The following KIAA0825 variants were observed in gnomAD, a reference collection of about 807,000 sequenced individuals.
KIAA0825 encodes the protein KIAA0825.
KIAA0825 carries 119 observed loss-of-function variants against 147.6 expected under a neutral mutation model. That is an observed-to-expected ratio of 0.81 (90% CI 0.69 to 0.94). The LOEUF (loss-of-function observed/expected upper bound fraction) is 0.94. Among genes scored for constraint, KIAA0825 ranks in the 40% least tolerant of loss-of-function variants. KIAA0825 has a pLI of 0.00. For missense variants in KIAA0825, 1,381 were observed against 1,472.7 expected (o/e 0.94, Z 1.02); for synonymous variants, 470 against 518.1 (o/e 0.91, Z 1.26).
chr5:94,165,885 G>T (rs1352451445), intron 20 of KIAA0825, among the ~76,000 whole-genome samples: 1 of 152,008 alleles, frequency 6.6e-6, no homozygotes, highest in Non-Finnish European at 1.5e-5. Context: ...GGGTGAGGTG[G>T]GTATAGTTAA....
chr5:94,324,100 T>C (rs1015685383), intron 20 of KIAA0825, among the ~76,000 whole-genome samples: 1 of 152,012 alleles, frequency 6.6e-6, no homozygotes, highest in African/African-American at 2.4e-5. Flanking sequence ...TTTCGTGGCA[T>C]TATATTGTCT....
chr5:94,567,201 A>G (rs1778859079), intron 2 of KIAA0825, among the ~76,000 whole-genome samples: 3 of 152,172 alleles, frequency 2.0e-5, no homozygotes, highest in Admixed American at 6.5e-5. Context: ...TCATGAGGAT[A>G]TATTTCAATA....
Position 94,205,727 on chromosome 5 carries a change from C to G in KIAA0825, c.3711-51603G>C, listed in dbSNP as rs182002353. ...ATATTTCGGATCATATTTTCTTGCC[C>G]TGGAAATGTTGCCATAGACCCACTG... On this transcript the variant is annotated intron_variant, in intron 20 of 20. Transcript: ENST00000682413. Among the ~76,000 whole-genome samples the G allele has an allele frequency of 2.3e-4, 35 of 152,158 alleles. No homozygotes were observed. In the South Asian group the frequency reaches 4.6e-3, roughly 20 times the overall value.
intron 20 of KIAA0825, among the ~76,000 whole-genome samples, chr5:94,250,164 G>A (rs1775876075): frequency 6.6e-6 from 1 of 151,960 alleles, no homozygotes; most frequent in South Asian, 2.1e-4. Flanking sequence ...CCCTCATTCG[G>A]CTGTGATTAC....
At chr5:94,317,152 CCACCA>C (rs1779733965) in intron 20 of KIAA0825, among the ~76,000 whole-genome samples, 2 of 151,778 alleles carry the variant, frequency 1.3e-5, no homozygotes, top group South Asian at 4.1e-4. Flanking sequence ...GGTTTCCTTC[CCACCA>C]CTGTAAAAAT....
chr5:94,483,574 T>G (rs1200730376), intron 6 of KIAA0825, among the ~76,000 whole-genome samples: 1 of 151,792 alleles, frequency 6.6e-6, no homozygotes, highest in Non-Finnish European at 1.5e-5. Flanking sequence ...GGCTTTTTTT[T>G]GGTTTTTTTG....
chr5:94,467,443 G>A (rs1760691215), intron 10 of KIAA0825, among the ~76,000 whole-genome samples: 1 of 152,124 alleles, frequency 6.6e-6, no homozygotes, highest in Non-Finnish European at 1.5e-5. Context: ...TATTATCTTT[G>A]AACAGACAAT....
At chr5:94,189,335 C>A (rs766749429) in intron 20 of KIAA0825, among the ~76,000 whole-genome samples, 5 of 152,098 alleles carry the variant, frequency 3.3e-5, no homozygotes, top group Non-Finnish European at 5.9e-5. Context: ...TTTAAGAAAT[C>A]TTTGCCTAAC....
chr5:94,429,808 G>A (rs1010464483), intron 14 of KIAA0825, among the ~76,000 whole-genome samples: 2 of 152,198 alleles, frequency 1.3e-5, no homozygotes, highest in Admixed American at 6.5e-5. Context: ...ACTCGGCTTG[G>A]AGCTGGGAAA....
intron 15 of KIAA0825, among the ~76,000 whole-genome samples, chr5:94,410,527 A>G (rs1330167897): frequency 6.6e-6 from 1 of 152,216 alleles, no homozygotes; most frequent in East Asian, 1.9e-4. Context: ...AAAGAAAACC[A>G]AAACAAGGCA....
At chr5:94,298,074 G>A (rs191944511) in intron 20 of KIAA0825, among the ~76,000 whole-genome samples, 5 of 150,888 alleles carry the variant, frequency 3.3e-5, no homozygotes, top group East Asian at 2.0e-4. Context: ...GTGAAAACCC[G>A]TCTCTACTAA....
Position 94,396,345 on chromosome 5 carries a change from A to C in KIAA0825, c.3052T>G (p.Leu1018Val), listed in dbSNP as rs1414903608. ...LKKAGLLVWN[L>V]IVIICRIFED... ...AATATCCGACATATAATTACAATCA[A>C]GTTCCAGACAAGCAGGCCAGCTTTC... The change falls in exon 17 of 21, where the codon TTG becomes GTG. Residue 1018 changes from leucine to valine, a missense_variant. Physicochemically the swap from Leu to Val is conservative, Grantham distance 32 (BLOSUM62 1). Transcript: ENST00000682413. 1.9e-6 allele frequency: 3 copies of C among 1,550,824 alleles called. No homozygotes were observed. In the Admixed American group the frequency reaches 5.9e-5, roughly 31 times the overall value.
At chr5:94,210,096 A>T (rs939066487) in intron 20 of KIAA0825, among the ~76,000 whole-genome samples, 3 of 152,184 alleles carry the variant, frequency 2.0e-5, no homozygotes, top group Non-Finnish European at 4.4e-5. Flanking sequence ...TTGGAAGCTC[A>T]AAGGGAACAT....
chr5:94,285,117 T>C (rs929250524), intron 20 of KIAA0825, among the ~76,000 whole-genome samples: 2 of 152,132 alleles, frequency 1.3e-5, no homozygotes, highest in African/African-American at 4.8e-5. Flanking sequence ...CAAAGCTGTA[T>C]GTGTAATTTA....
chr5:94,336,399 A>C (rs530525110), intron 20 of KIAA0825, among the ~76,000 whole-genome samples: 1 of 151,312 alleles, frequency 6.6e-6, no homozygotes, highest in Non-Finnish European at 1.5e-5. Flanking sequence ...TCCTAATGCT[A>C]TCCCTCCCCT....
chr5:94,470,209 CAA>C, intron 9 of KIAA0825, 98 bp from the exon 10 acceptor site: 1 of 750,962 alleles, frequency 1.3e-6, no homozygotes, highest in Non-Finnish European at 1.9e-6. Context: ...TATTAGATAT[CAA>C]TCATTCATTT....
chr5:94,584,947 A>T (rs1301896377), intron 1 of KIAA0825, among the ~76,000 whole-genome samples: 3 of 152,220 alleles, frequency 2.0e-5, no homozygotes, highest in Non-Finnish European at 2.9e-5. Context: ...ACTAAGCTTC[A>T]TAAGGGCAGG....
intron 3 of KIAA0825, among the ~76,000 whole-genome samples, 189 bp from the exon 4 acceptor site, chr5:94,524,287 G>T (rs778153214): frequency 5.3e-5 from 8 of 151,484 alleles, no homozygotes; most frequent in African/African-American, 9.7e-5. Flanking sequence ...AAATTTTCTG[G>T]CAGTAAAAAA....
intron 20 of KIAA0825, among the ~76,000 whole-genome samples, chr5:94,247,413 G>A (rs181652563): frequency 1.9e-4 from 29 of 152,212 alleles, no homozygotes; most frequent in Middle Eastern, 3.4e-3. Context: ...GAGGATCCTG[G>A]CATGCTGCTC....
Sources: gnomAD v4.1 joint callset for allele counts (sites outside exome capture counted in the v4.1 genomes callset) on GRCh38, gnomAD v4.1.1 for gene constraint, MANE v1.5 for transcripts, NCBI Gene and HGNC (gene_info 2026-07-23, HGNC 2026-07-21) for gene names.